The following MED13L variants were observed in gnomAD, a reference collection of about 807,000 sequenced individuals.
The protein encoded by MED13L is mediator complex subunit 13L.
Under a neutral mutation model 220.9 loss-of-function variants are expected in MED13L, and 7 were observed. That is an observed-to-expected ratio of 0.03 (90% CI 0.02 to 0.06). The LOEUF (loss-of-function observed/expected upper bound fraction) is 0.06. Ranked by LOEUF, MED13L falls within the 10% of genes least tolerant of loss-of-function variation. MED13L has a pLI of 1.00. For synonymous variants in MED13L, 1,011 were observed against 1,015.2 expected (o/e 1.00, Z 0.08); for missense variants, 1,965 against 2,760.5 (o/e 0.71, Z 6.46).
chr12:116,269,892 T>A (rs995115160), intron 1 of MED13L, among the ~76,000 whole-genome samples: 11 of 151,278 alleles, frequency 7.3e-5, no homozygotes, highest in Non-Finnish European at 1.6e-4. Context: ...CATTTTGCCT[T>A]GGACACAACT....
intron 2 of MED13L, among the ~76,000 whole-genome samples, chr12:116,218,447 A>G (rs1441366658): frequency 1.3e-5 from 2 of 152,158 alleles, no homozygotes; most frequent in Non-Finnish European, 2.9e-5. Flanking sequence ...TACAACAAAA[A>G]CATGCTTTTT....
At chr12:116,208,417 G>C (rs763792867) in intron 2 of MED13L, among the ~76,000 whole-genome samples, 3 of 152,100 alleles carry the variant, frequency 2.0e-5, no homozygotes, top group Non-Finnish European at 4.4e-5. Flanking sequence ...GATAACAACT[G>C]CAATAAATTG....
At chr12:116,205,942 GTTTT>G (rs11295233) in intron 2 of MED13L, among the ~76,000 whole-genome samples, 2 of 125,288 alleles carry the variant, frequency 1.6e-5, no homozygotes, top group East Asian at 2.2e-4. Flanking sequence ...CTAAAAACTT[GTTTT>G]TTTTTTTTTT....
At position 115,983,156 on chromosome 12, in the gene MED13L, C is replaced by T; in HGVS notation, c.4916G>A (p.Gly1639Glu). 1.2e-6 allele frequency: 2 copies of T among 1,614,062 alleles called. No individual in the cohort carries two copies. Among genetic ancestry groups the T allele is most frequent in the Non-Finnish European group, 1.7e-6 (2 of 1,179,970 alleles). Residue 1639 changes from glycine (G) to glutamate (E), a missense_variant, in exon 21 of 31, where the codon GGG (glycine) becomes GAG (glutamate). Physicochemically the swap from Gly to Glu is moderately conservative, Grantham distance 98. Coordinates refer to ENST00000281928, the MANE Select transcript of MED13L (RefSeq NM_015335.5). ...NIGCGGDTDPGQSSSQPSQDG... is the reference protein window; with the variant it reads ...NIGCGGDTDPEQSSSQPSQDG... Reference sequence around the variant, plus strand: ...CTGTGAGGGCTGAGAAGAGCTCTGCCCAGGGTCAGTGTCTCCACCACAGCC... The same window carrying T: ...CTGTGAGGGCTGAGAAGAGCTCTGCTCAGGGTCAGTGTCTCCACCACAGCC...
At chr12:116,056,751 T>C (rs879567886) in intron 4 of MED13L, among the ~76,000 whole-genome samples, 1 of 152,316 alleles carries the variant, frequency 6.6e-6, no homozygotes, top group Middle Eastern at 3.4e-3. Flanking sequence ...TTAATTTTTA[T>C]CTACTCTTAA....
At chr12:116,041,845 G>GACAAACAA (rs1163910028) in intron 4 of MED13L, among the ~76,000 whole-genome samples, 1 of 151,988 alleles carries the variant, frequency 6.6e-6, no homozygotes, top group African/African-American at 2.4e-5. Context: ...AAAACAGACA[G>GACAAACAA]ACAAACAAAC....
At chr12:116,088,024 A>G (rs900977029) in intron 4 of MED13L, among the ~76,000 whole-genome samples, 1 of 152,176 alleles carries the variant, frequency 6.6e-6, no homozygotes, top group Admixed American at 6.5e-5. Context: ...TATGAAGAAG[A>G]TATTAAAATC....
intron 1 of MED13L, among the ~76,000 whole-genome samples, chr12:116,240,289 G>C (rs1870498667): frequency 6.6e-6 from 1 of 151,870 alleles, no homozygotes; most frequent in Non-Finnish European, 1.5e-5. Flanking sequence ...TAGAAACGGG[G>C]TTTCATCATG....
Position 115,996,469 on chromosome 12 carries a change from T to A in MED13L, c.2996+7A>T, listed in dbSNP as rs775346686. On this transcript the variant is annotated splice_region_variant and intron_variant, in intron 16 of 30. Transcript: ENST00000281928. ...TGGCAAGTAAATGACACAATCCCTA[T>A]ACATACTTGTAGCCATCTCTAATGA... 1.9e-6 allele frequency: 3 copies of A among 1,607,762 alleles called. No homozygotes were observed. The highest frequency in any genetic ancestry group is 2.6e-6 in the Non-Finnish European group (3 of 1,174,260).
chr12:116,045,688 A>G (rs1204266763), intron 4 of MED13L, among the ~76,000 whole-genome samples: 1 of 152,160 alleles, frequency 6.6e-6, no homozygotes, highest in Non-Finnish European at 1.5e-5. Context: ...TTTCAAGTAA[A>G]TAACATCATA....
At chr12:116,161,481 T>C (rs1878850309) in intron 2 of MED13L, among the ~76,000 whole-genome samples, 1 of 152,100 alleles carries the variant, frequency 6.6e-6, no homozygotes, top group African/African-American at 2.4e-5. Flanking sequence ...CCAAAAAATA[T>C]CAATAAGAAA....
rs1208503199 is a variant in MED13L, at chr12:115,983,404, G to A, written c.4668C>T (p.Pro1556=). 11 of 1,614,042 alleles carry A rather than the reference G, an allele frequency of 6.8e-6. No homozygotes were observed. Among genetic ancestry groups the A allele is most frequent in the Non-Finnish European group, 9.3e-6 (11 of 1,180,022 alleles). ...TGGGATTAAATGCACTGCCAGCTGG[G>A]GGAGCTGCTGATCCATTTGGAGCTA... ...GPLAPNGSAA[P]PAGSAFNPTS... is the part of the protein sequence containing the mutation. The change falls in exon 21 of 31, where the codon CCC becomes CCT. Residue 1556 remains proline, a synonymous_variant. Coordinates refer to ENST00000281928, the MANE Select transcript of MED13L (RefSeq NM_015335.5).
intron 2 of MED13L, among the ~76,000 whole-genome samples, chr12:116,139,527 T>C (rs189824987): frequency 3.7e-4 from 57 of 152,276 alleles, no homozygotes; most frequent in African/African-American, 1.3e-3. Context: ...CTTACCTTCA[T>C]TTAAGAAAAA....
At chr12:116,197,731 C>G (rs1881726282) in intron 2 of MED13L, among the ~76,000 whole-genome samples, 1 of 151,454 alleles carries the variant, frequency 6.6e-6, no homozygotes, top group Admixed American at 6.6e-5. Flanking sequence ...TGCCATTGCA[C>G]TCCAGCCTGG....
chr12:115,991,335 T>C lies in MED13L; in HGVS notation c.3619A>G (p.Thr1207Ala), dbSNP rs200876500. 4.3e-6 allele frequency: 7 copies of C among 1,613,954 alleles called. No individual in the cohort carries two copies. Among genetic ancestry groups the C allele is most frequent in the Admixed American group, 1.7e-5 (1 of 60,000 alleles). Residue 1207 changes from threonine to alanine, a missense_variant, in exon 17 of 31, where the codon ACC becomes GCC. Physicochemically the swap from Thr to Ala is moderately conservative, Grantham distance 58. Around this residue, in one of 10 missense-constraint regions of MED13L, gnomAD observed 165 missense variants for 190.8 expected, o/e 0.86. Transcript: ENST00000281928. The surrounding 1 kb of genome is among the most constrained non-coding windows in gnomAD (Gnocchi z 7.7). Reference sequence around the variant, plus strand: ...GTTCCTTCCACCTGAGGAAGGAAGGTGGACTGACACATCATTAAGCGCCTC... The same window carrying C: ...GTTCCTTCCACCTGAGGAAGGAAGGCGGACTGACACATCATTAAGCGCCTC... ...AERRLMMCQS[T>A]FLPQVEGTKK...
chr12:115,996,702 C>G, intron 15 of MED13L, 21 bp from the exon 16 acceptor site: 1 of 1,595,586 alleles, frequency 6.3e-7, no homozygotes. Context: ...AAAGTGGGGT[C>G]AGTGTTAATA....
chr12:116,069,995 T>G (rs746471658), intron 4 of MED13L, among the ~76,000 whole-genome samples: 1 of 152,220 alleles, frequency 6.6e-6, no homozygotes, highest in Non-Finnish European at 1.5e-5. Context: ...GTACTCAACT[T>G]GTACTGCTGG....
intron 26 of MED13L, 140 bp downstream of exon 26, chr12:115,971,938 T>C: frequency 9.7e-7 from 1 of 1,029,222 alleles, no homozygotes; most frequent in Non-Finnish European, 1.4e-6. Flanking sequence ...TATCGAATGT[T>C]TTCCATCTTT....
At chr12:116,105,433 A>T (rs1307204878) in intron 3 of MED13L, among the ~76,000 whole-genome samples, 1 of 152,218 alleles carries the variant, frequency 6.6e-6, no homozygotes, top group East Asian at 1.9e-4. Context: ...AAGATAACTG[A>T]TCATTAAGAA....
Sources: allele counts gnomAD v4.1 joint callset (sites outside exome capture counted in the v4.1 genomes callset), GRCh38; gene constraint gnomAD v4.1.1; regional missense constraint gnomAD v4.1.1; non-coding constraint Gnocchi (gnomAD v3.1); transcripts MANE v1.5; gene names NCBI Gene and HGNC (gene_info 2026-07-23, HGNC 2026-07-21).